The following CHST11 variants were observed in gnomAD, a reference collection of about 807,000 sequenced individuals.
CHST11 encodes carbohydrate sulfotransferase 11, also known as C4S-1.
In CHST11, 9 loss-of-function variants were observed where a neutral mutation model predicts 30.4. The ratio of observed to expected loss-of-function variants is 0.30; its 90% confidence interval spans 0.18 to 0.52. CHST11 has a LOEUF of 0.52. Ranked by LOEUF, CHST11 falls within the 20% of genes least tolerant of loss-of-function variation. CHST11 has a pLI of 0.97. For missense variants in CHST11, 348 were observed against 460.6 expected, an observed-to-expected ratio of 0.76 and a Z score of 2.24; for synonymous variants, 152 against 187.8, an observed-to-expected ratio of 0.81 and a Z score of 1.56.
At chr12:104,734,635 T>G (rs1057053406) in intron 2 of CHST11, among the ~76,000 whole-genome samples, 12 of 152,156 alleles carry the variant, frequency 7.9e-5, no homozygotes, top group Non-Finnish European at 1.6e-4. Context: ...AATGAGGACC[T>G]GGGGTTATTG....
intron 1 of CHST11, among the ~76,000 whole-genome samples, chr12:104,468,776 A>G (rs576384321): frequency 6.6e-6 from 1 of 152,250 alleles, no homozygotes; most frequent in South Asian, 2.1e-4. Context: ...TGAGTGACTG[A>G]GTGAAAGTCG....
At chr12:104,728,053 G>A (rs1487078063) in intron 2 of CHST11, among the ~76,000 whole-genome samples, 1 of 152,180 alleles carries the variant, frequency 6.6e-6, no homozygotes, top group Non-Finnish European at 1.5e-5. Context: ...ATAGCATGAT[G>A]TTAAAAACAA....
chr12:104,703,261 T>C (rs1419365019), intron 2 of CHST11, among the ~76,000 whole-genome samples: 1 of 152,184 alleles, frequency 6.6e-6, no homozygotes, highest in African/African-American at 2.4e-5. Flanking sequence ...ACCTCGGGCC[T>C]CTCGGACCCC....
chr12:104,507,825 C>CT (rs1417034853), intron 1 of CHST11, among the ~76,000 whole-genome samples: 1 of 152,142 alleles, frequency 6.6e-6, no homozygotes, highest in Non-Finnish European at 1.5e-5. Flanking sequence ...CTTTTAAGTT[C>CT]TTTTCTCACC....
At chr12:104,700,502 A>G (rs1278593183) in intron 2 of CHST11, among the ~76,000 whole-genome samples, 2 of 152,144 alleles carry the variant, frequency 1.3e-5, no homozygotes, top group Non-Finnish European at 1.5e-5. Flanking sequence ...ACATCTTACT[A>G]GTTATGTGAC....
In CHST11 at chr12:104,475,679, TA is replaced by T. The variant is rs1565954842; in HGVS notation, c.118+18151del. Among the ~76,000 whole-genome samples, 99 of 122,964 alleles carry T rather than the reference TA, an allele frequency of 8.1e-4. 6 individuals are homozygous for T. The highest frequency in any genetic ancestry group is 1.4e-3 in the Non-Finnish European group (82 of 56,822). 80.7% of individuals were successfully genotyped at this position (122,964 alleles called of 152,430 possible). On this transcript the variant is annotated intron_variant, in intron 1 of 2. Coordinates refer to ENST00000303694, the MANE Select transcript of CHST11 (RefSeq NM_018413.6). The stretch of plus-strand genomic sequence containing the variant: ...AGCATTATATATATATATATATATA[TA>T]TATATATATATTTCTGATTATGAAA...
intron 1 of CHST11, among the ~76,000 whole-genome samples, chr12:104,563,313 C>T (rs1478113740): frequency 1.3e-5 from 2 of 152,206 alleles, no homozygotes; most frequent in South Asian, 2.1e-4. Flanking sequence ...GCTGGGATTA[C>T]AGGTGTGAGC....
chr12:104,489,965 A>C (rs903873590), intron 1 of CHST11, among the ~76,000 whole-genome samples: 1 of 152,336 alleles, frequency 6.6e-6, no homozygotes, highest in South Asian at 2.1e-4. Flanking sequence ...TACCTCAAGC[A>C]GGCACACAAA....
intron 1 of CHST11, among the ~76,000 whole-genome samples, chr12:104,499,290 C>G (rs1303601599): frequency 3.9e-5 from 6 of 152,180 alleles, no homozygotes; most frequent in Non-Finnish European, 7.3e-5. Flanking sequence ...GGGAGTGCAT[C>G]AGAGTCCGGG....
At chr12:104,733,083 G>C (rs1384842789) in intron 2 of CHST11, among the ~76,000 whole-genome samples, 1 of 152,226 alleles carries the variant, frequency 6.6e-6, no homozygotes, top group Non-Finnish European at 1.5e-5. Context: ...ATGTGTGCAA[G>C]GTCACGCACT....
chr12:104,608,723 A>G (rs1319244376), intron 2 of CHST11, among the ~76,000 whole-genome samples: 1 of 152,004 alleles, frequency 6.6e-6, no homozygotes, highest in African/African-American at 2.4e-5. Context: ...GAGGTTGTTC[A>G]CTCTACGTAG....
chr12:104,465,826 G>T (rs1448236868), intron 1 of CHST11, among the ~76,000 whole-genome samples: 2 of 151,814 alleles, frequency 1.3e-5, no homozygotes, highest in Non-Finnish European at 2.9e-5. Context: ...TGTGTTTCAG[G>T]GCAGGAAATA....
chr12:104,490,588 T>G (rs1046124720), intron 1 of CHST11, among the ~76,000 whole-genome samples: 1 of 152,210 alleles, frequency 6.6e-6, no homozygotes, highest in Admixed American at 6.5e-5. Context: ...TCTTGAAAAG[T>G]TCAACAAAAG....
rs2040236934 is a variant in CHST11 at position 104,729,090 on chromosome 12, T to C, written c.205-27859T>C. On this transcript the variant is annotated intron_variant, in intron 2 of 2. Transcript: ENST00000303694. The surrounding 1 kb of genome is among the most constrained non-coding windows in gnomAD (Gnocchi z 4.0). ...TCGTGTTATTGTTTTCCTCTAATTA[T>C]TACCATTAGTTTCTGCAGTTGTTTT... is the stretch of plus-strand genomic sequence containing the variant. Among the ~76,000 whole-genome samples, 1 of 152,154 alleles carries C rather than the reference T, an allele frequency of 6.6e-6. No homozygotes were observed. Among genetic ancestry groups the C allele is most frequent in the African/African-American group, 2.4e-5 (1 of 41,414 alleles).
chr12:104,597,685 T>C (rs7299187), intron 1 of CHST11, among the ~76,000 whole-genome samples: 47,897 of 152,148 alleles, frequency 0.31, 7,873 homozygotes, highest in East Asian at 0.53. Context: ...CGAGTTGCCC[T>C]GCACATCGTA....
intron 2 of CHST11, among the ~76,000 whole-genome samples, chr12:104,712,817 C>A (rs986238785): frequency 2.0e-5 from 3 of 152,074 alleles, no homozygotes; most frequent in Non-Finnish European, 2.9e-5. Context: ...CCGTTTCTCC[C>A]AATTTATGGG....
intron 1 of CHST11, among the ~76,000 whole-genome samples, chr12:104,573,370 A>G (rs1262590804): frequency 1.3e-5 from 2 of 152,268 alleles, no homozygotes; most frequent in East Asian, 3.9e-4. Flanking sequence ...TTTAAAGTTC[A>G]TATGGAACCA....
chr12:104,698,901 A>G (rs189488725), intron 2 of CHST11, among the ~76,000 whole-genome samples: 1 of 152,340 alleles, frequency 6.6e-6, no homozygotes, highest in East Asian at 1.9e-4. Flanking sequence ...ATTCAATTGA[A>G]TGTGATTGAA....
At chr12:104,552,699 A>C (rs2038416429) in intron 1 of CHST11, 1 of 152,042 alleles carries the variant, frequency 6.6e-6, no homozygotes, top group African/African-American at 2.4e-5. Flanking sequence ...CCATGGCCCA[A>C]ATCTAAAGTA....
Sources: allele counts gnomAD v4.1 joint callset (sites outside exome capture counted in the v4.1 genomes callset), GRCh38; gene constraint gnomAD v4.1.1; non-coding constraint Gnocchi (gnomAD v3.1); transcripts MANE v1.5; gene names NCBI Gene and HGNC (gene_info 2026-07-23, HGNC 2026-07-21).